CHD1: variants seen among roughly 807,000 people sequenced by gnomAD.
CHD1 encodes the protein chromodomain helicase DNA binding protein 1, also known as ATP-dependent chromatin remodeler CHD1.
Under a neutral mutation model 224.2 loss-of-function variants are expected in CHD1, and 36 were observed. The ratio of observed to expected loss-of-function variants is 0.16; its 90% CI spans 0.12 to 0.21. CHD1 has a LOEUF of 0.21. Among genes scored for constraint, CHD1 ranks in the 10% least tolerant of loss-of-function variants. The probability of loss-of-function intolerance (pLI) is 1.00; values close to 1 mark genes in which losing one functional copy is unlikely to be tolerated. For synonymous variants in CHD1, 668 were observed against 658.3 expected (o/e 1.01, Z -0.23); for missense variants, 1,378 against 1,994.8 (o/e 0.69, Z 5.89).
chr5:98,904,906 A>G lies in CHD1; in HGVS notation c.246T>C (p.Asp82=). 1 of 1,613,986 alleles carries G rather than the reference A, an allele frequency of 6.2e-7. No individual in the cohort carries two copies. The highest frequency in any genetic ancestry group is 1.1e-5 in the South Asian group (1 of 91,064). Residue 82 remains aspartate, a synonymous_variant, in exon 3 of 36, where the codon GAT becomes GAC. Coordinates refer to ENST00000614616, the MANE Select transcript of CHD1 (RefSeq NM_001270.4). ...NKVQAKPPKV[D]GAEFWKSSPS... ...GTATTTTATTGATTACCTCAGCTCCATCAACTTTCGGTGGTTTTGCTTGAA... is the reference window on the plus strand; with the variant it reads ...GTATTTTATTGATTACCTCAGCTCCGTCAACTTTCGGTGGTTTTGCTTGAA...
chr5:98,862,520 T>C (rs1748558420), intron 32 of CHD1, among the ~76,000 whole-genome samples: 1 of 152,230 alleles, frequency 6.6e-6, no homozygotes, highest in Non-Finnish European at 1.5e-5. Flanking sequence ...TACCTATTTG[T>C]ATTAGTCACT....
intron 10 of CHD1, among the ~76,000 whole-genome samples, 175 bp from the exon 11 acceptor site, chr5:98,897,495 C>G (rs1751418710): frequency 6.6e-6 from 1 of 152,126 alleles, no homozygotes; most frequent in Non-Finnish European, 1.5e-5. Flanking sequence ...TTCTACTACT[C>G]TACAAAAATG....
intron 9 of CHD1, 62 bp downstream of exon 9, chr5:98,898,602 G>C: frequency 7.8e-7 from 1 of 1,287,044 alleles, no homozygotes; most frequent in Non-Finnish European, 1.1e-6. Context: ...GCAAACTTAT[G>C]ACTTTTTTCA....
At chr5:98,905,277 T>C (rs907165201) in intron 2 of CHD1, among the ~76,000 whole-genome samples, 179 bp from the exon 3 acceptor site, 5 of 152,184 alleles carry the variant, frequency 3.3e-5, no homozygotes, top group Admixed American at 1.3e-4. Flanking sequence ...CCATAGTTGA[T>C]AATTTATTTA....
At chr5:98,909,772 C>A (rs1443310815) in intron 2 of CHD1, among the ~76,000 whole-genome samples, 1 of 152,006 alleles carries the variant, frequency 6.6e-6, no homozygotes, top group African/African-American at 2.4e-5. Flanking sequence ...TTTTTAAGTC[C>A]CATTATGAAC....
chr5:98,885,021 T>A (rs937265609), intron 18 of CHD1, among the ~76,000 whole-genome samples: 1 of 152,140 alleles, frequency 6.6e-6, no homozygotes, highest in Non-Finnish European at 1.5e-5. Context: ...GGTGAGCTAC[T>A]GTGCCCAATC....
Position 98,893,612 on chromosome 5 carries a change from A to G in CHD1, c.1801-6T>C. On this transcript the variant is annotated splice_polypyrimidine_tract_variant and splice_region_variant and intron_variant, in intron 13 of 35. Coordinates refer to ENST00000614616, the MANE Select transcript of CHD1 (RefSeq NM_001270.4). ...TTTAGACCTCCAAGGAATGCCTTAA[A>G]ATAATAGAAAAACAGTATTTTGAGA... 1 of 1,538,154 alleles carries G rather than the reference A, an allele frequency of 6.5e-7. No homozygotes were observed. Among genetic ancestry groups the G allele is most frequent in the East Asian group, 2.4e-5 (1 of 41,976 alleles).
At chr5:98,913,548 A>T (rs1225239226) in intron 2 of CHD1, among the ~76,000 whole-genome samples, 4 of 152,214 alleles carry the variant, frequency 2.6e-5, no homozygotes, top group African/African-American at 9.7e-5. Context: ...CCCATAGGGT[A>T]AATTTGGGAC....
chr5:98,861,440 T>A (rs1030915459), intron 32 of CHD1, among the ~76,000 whole-genome samples: 4 of 152,266 alleles, frequency 2.6e-5, no homozygotes, highest in East Asian at 1.9e-4. Context: ...TGAAAAAAAT[T>A]GTAAGCAAAA....
chr5:98,869,975 C>G, intron 29 of CHD1, 93 bp from the exon 30 acceptor site: 2 of 863,102 alleles, frequency 2.3e-6, no homozygotes, highest in Non-Finnish European at 3.6e-6. Context: ...ACACATATTC[C>G]TACCTGATCC....
chr5:98,900,405 G>T (rs1220271820), intron 7 of CHD1, among the ~76,000 whole-genome samples: 1 of 150,944 alleles, frequency 6.6e-6, no homozygotes, highest in Non-Finnish European at 1.5e-5. Flanking sequence ...CACCCTCTTA[G>T]CTTTCAACAC....
intron 23 of CHD1, 79 bp downstream of exon 23, chr5:98,879,473 T>C: frequency 7.7e-7 from 1 of 1,290,988 alleles, no homozygotes; most frequent in Non-Finnish European, 1.1e-6. Flanking sequence ...TATGGACTGA[T>C]ACCTCGTAGA....
intron 2 of CHD1, among the ~76,000 whole-genome samples, chr5:98,925,912 G>A (rs1753424688): frequency 6.6e-6 from 1 of 151,172 alleles, no homozygotes; most frequent in Non-Finnish European, 1.5e-5. Context: ...AGCCACATGT[G>A]GCTAGTGGTT....
At chr5:98,881,609 A>G (rs551627721) in intron 20 of CHD1, among the ~76,000 whole-genome samples, 1 of 152,012 alleles carries the variant, frequency 6.6e-6, no homozygotes, top group South Asian at 2.1e-4. Context: ...TCCCGGGCTC[A>G]ACTGATCCTC....
In CHD1 at chr5:98,855,784, CA is replaced by C. The variant is rs922394986; in HGVS notation, c.*595del. On this transcript the variant is annotated 3_prime_UTR_variant, in exon 36 of 36. Transcript: ENST00000614616. Reference sequence around the variant, plus strand: ...TTTAATATTTACAATAATTTACAGCCATTTTTTTTGTAAAAAGGCATAATAG... The same window carrying C: ...TTTAATATTTACAATAATTTACAGCCTTTTTTTTGTAAAAAGGCATAATAG... 1.3e-5 allele frequency: 2 copies of C among 151,046 alleles called. No homozygotes were observed. Among genetic ancestry groups the C allele is most frequent in the East Asian group, 3.9e-4 (2 of 5,170 alleles). The allele number at this position is 151,046 out of a possible 1,614,324, so 9.4% of individuals were successfully genotyped here. A position where few individuals can be genotyped will look rare whatever the true frequency, so the allele number is the denominator to read the frequency against.
rs1257652312 is a variant in CHD1, at chr5:98,854,657, A to C, written c.*1723T>G. ...GTATCAGAAAGAGAAATTACTGCAAAAAACAAAACAAAAAGCAAAAAAACC... is the reference window on the plus strand; with the variant it reads ...GTATCAGAAAGAGAAATTACTGCAACAAACAAAACAAAAAGCAAAAAAACC... On this transcript the variant is annotated 3_prime_UTR_variant, in exon 36 of 36. Coordinates refer to ENST00000614616, the MANE Select transcript of CHD1 (RefSeq NM_001270.4). The C allele has an allele frequency of 6.6e-6, 1 of 152,154 alleles. No homozygotes were observed. Among genetic ancestry groups the C allele is most frequent in the Non-Finnish European group, 1.5e-5 (1 of 67,988 alleles). 9.4% of individuals were successfully genotyped at this position (152,154 alleles called of 1,614,324 possible).
intron 26 of CHD1, among the ~76,000 whole-genome samples, chr5:98,872,981 C>G (rs574252852): frequency 1.3e-5 from 2 of 152,120 alleles, no homozygotes; most frequent in Admixed American, 1.3e-4. Context: ...ACAATCACAC[C>G]CTGCTAATTT....
intron 32 of CHD1, among the ~76,000 whole-genome samples, chr5:98,861,899 T>C (rs568900886): frequency 1.8e-3 from 267 of 151,832 alleles, no homozygotes; most frequent in African/African-American, 5.3e-3. Flanking sequence ...AAAAAAAAAA[T>C]TCCCCCCAGC....
intron 4 of CHD1, 62 bp from the exon 5 acceptor site, chr5:98,903,026 T>G: frequency 1.0e-6 from 1 of 984,484 alleles, no homozygotes; most frequent in East Asian, 2.5e-5. Context: ...CATATTAAAT[T>G]TTTATTTGCT....
Sources: gnomAD v4.1 joint callset for allele counts (sites outside exome capture counted in the v4.1 genomes callset) on GRCh38, gnomAD v4.1.1 for gene constraint, MANE v1.5 for transcripts, NCBI Gene and HGNC (gene_info 2026-07-23, HGNC 2026-07-21) for gene names.